The following TBC1D8 variants were observed in gnomAD, a reference collection of about 807,000 sequenced individuals.
TBC1D8 encodes BUB2-like protein 1.
In TBC1D8, 65 loss-of-function variants were observed where a neutral mutation model predicts 118.8. That is an observed-to-expected ratio of 0.55 (90% CI 0.45 to 0.67). The LOEUF (loss-of-function observed/expected upper bound fraction) is 0.67, where lower values mean the gene tolerates loss of function less well. TBC1D8 is among the 30% of genes least tolerant of loss of function. The probability of loss-of-function intolerance (pLI) is 0.00; values close to 1 mark genes in which losing one functional copy is unlikely to be tolerated. For synonymous variants in TBC1D8, 566 were observed against 595.8 expected (o/e 0.95, Z 0.73); for missense variants, 1,376 against 1,471.2 (o/e 0.94, Z 1.06).
intron 1 of TBC1D8, among the ~76,000 whole-genome samples, chr2:101,120,875 G>A (rs1034801046): frequency 6.6e-6 from 1 of 152,148 alleles, no homozygotes. Context: ...ACACTCCCAC[G>A]CCCAGAAGCA....
rs187468599 is a variant in TBC1D8 at position 101,071,884 on chromosome 2, G to A, written c.284-12345C>T. 9.6e-4 allele frequency among the ~76,000 whole-genome samples: 146 copies of A among 152,280 alleles called. 1 individual carries two copies. The highest frequency in any genetic ancestry group is 6.7e-3 in the Admixed American group (102 of 15,292). ...AAAATAAAATGGTGCTTTCCAGAAC[G>A]TTTTCAATTTACTTTGCCCAGATGA... On this transcript the variant is annotated intron_variant, in intron 2 of 19. Transcript: ENST00000409318.
Position 101,008,274 on chromosome 2 carries a change from C to G in TBC1D8, c.3016-1G>C. On this transcript the variant is annotated splice_acceptor_variant, in intron 19 of 19. Coordinates refer to ENST00000409318, the MANE Select transcript of TBC1D8 (RefSeq NM_001330348.2). LOFTEE classifies it high-confidence loss of function. ...TTTTACAGAACTGGATAAATTCTCT[C>G]TGAAATTGAAATAAGTCTTAGGTAG... is the stretch of plus-strand genomic sequence containing the variant. 1 of 1,517,784 alleles carries G rather than the reference C, an allele frequency of 6.6e-7. No homozygotes were observed. Among genetic ancestry groups the G allele is most frequent in the South Asian group, 1.3e-5 (1 of 74,628 alleles). 94.0% of individuals were successfully genotyped at this position (1,517,784 alleles called of 1,614,324 possible).
intron 15 of TBC1D8, among the ~76,000 whole-genome samples, chr2:101,026,517 A>T (rs1007601050): frequency 6.6e-6 from 1 of 152,184 alleles, no homozygotes; most frequent in Non-Finnish European, 1.5e-5. Context: ...GGCCTGCTCC[A>T]TGGCTTCCAA....
chr2:101,063,692 C>T (rs1466738430), intron 2 of TBC1D8, among the ~76,000 whole-genome samples: 1 of 152,120 alleles, frequency 6.6e-6, no homozygotes, highest in African/African-American at 2.4e-5. Flanking sequence ...TCACATATCA[C>T]AGTTCTCAAA....
intron 15 of TBC1D8, among the ~76,000 whole-genome samples, chr2:101,023,097 A>G (rs565415197): frequency 6.9e-6 from 1 of 144,422 alleles, no homozygotes; most frequent in Non-Finnish European, 1.5e-5. Flanking sequence ...GTGAGCCGAG[A>G]TCGCGCCACT....
At chr2:101,107,405 T>G (rs1416150880) in intron 1 of TBC1D8, among the ~76,000 whole-genome samples, 4 of 151,978 alleles carry the variant, frequency 2.6e-5, no homozygotes, top group African/African-American at 9.7e-5. Context: ...CCAATCTCTC[T>G]GTGGGCAGGC....
At position 101,014,928 on chromosome 2, in the gene TBC1D8, T is replaced by G. The variant is rs147100484; in HGVS notation, c.2828-3388A>C. 6.3e-3 allele frequency among the ~76,000 whole-genome samples: 956 copies of G among 152,346 alleles called. 8 individuals carry two copies. Among genetic ancestry groups the G allele is most frequent in the Non-Finnish European group, 9.2e-3 (623 of 68,034 alleles). On this transcript the variant is annotated intron_variant, in intron 17 of 19. Coordinates refer to ENST00000409318, the MANE Select transcript of TBC1D8 (RefSeq NM_001330348.2). The stretch of plus-strand genomic sequence containing the variant: ...TAAACACCTCCCATTCCATAATGCT[T>G]GTAAGGTTTTTCTCCACAGCAAATA...
chr2:101,103,444 T>A (rs1008391789), intron 1 of TBC1D8, among the ~76,000 whole-genome samples: 3 of 150,996 alleles, frequency 2.0e-5, no homozygotes, highest in Non-Finnish European at 4.4e-5. Context: ...TAGGCTGGAA[T>A]GCAGTGGCAC....
intron 2 of TBC1D8, among the ~76,000 whole-genome samples, chr2:101,081,030 C>T (rs918318776): frequency 1.3e-5 from 2 of 152,144 alleles, no homozygotes; most frequent in African/African-American, 4.8e-5. Flanking sequence ...CCCACCTCAG[C>T]CTCCCAAAGT....
intron 2 of TBC1D8, among the ~76,000 whole-genome samples, chr2:101,085,319 T>C (rs1675541231): frequency 6.6e-6 from 1 of 151,986 alleles, no homozygotes; most frequent in Non-Finnish European, 1.5e-5. Flanking sequence ...ACAAAGGGCA[T>C]GGATTCAGGA....
At chr2:101,143,376 T>A (rs941801562) in intron 1 of TBC1D8, among the ~76,000 whole-genome samples, 3 of 152,170 alleles carry the variant, frequency 2.0e-5, no homozygotes, top group Non-Finnish European at 2.9e-5. Flanking sequence ...TCCTTTTTTT[T>A]AAAGTAAAAA....
chr2:101,122,923 T>C (rs1048306769), intron 1 of TBC1D8, among the ~76,000 whole-genome samples: 1 of 147,146 alleles, frequency 6.8e-6, no homozygotes, highest in East Asian at 2.1e-4. Flanking sequence ...GTGGTACTTG[T>C]TGGAGAAAAA....
chr2:101,093,980 G>C (rs1574021003), intron 1 of TBC1D8, among the ~76,000 whole-genome samples: 2 of 152,094 alleles, frequency 1.3e-5, no homozygotes, highest in Admixed American at 6.5e-5. Flanking sequence ...ACAGGCGTGA[G>C]CCACCATGCC....
rs67349426 is a variant in TBC1D8 at position 101,033,122 on chromosome 2, AT to A, written c.1818+421del. On this transcript the variant is annotated intron_variant, in intron 10 of 19. Transcript: ENST00000409318. Reference sequence around the variant, plus strand: ...GTTTCTCTTTTCAGGCACTCGGTAAATTTTTTTTTTTTTGAGACAGAGTCTC... The same window carrying A: ...GTTTCTCTTTTCAGGCACTCGGTAAATTTTTTTTTTTTGAGACAGAGTCTC... 1.4e-3 allele frequency among the ~76,000 whole-genome samples: 203 copies of A among 148,284 alleles called. 1 individual carries two copies. Among genetic ancestry groups the A allele is most frequent in the African/African-American group, 4.2e-3 (170 of 40,298 alleles).
intron 1 of TBC1D8, among the ~76,000 whole-genome samples, chr2:101,115,014 C>T (rs1481310690): frequency 6.6e-6 from 1 of 152,224 alleles, no homozygotes; most frequent in Non-Finnish European, 1.5e-5. Context: ...TTCACAGAAC[C>T]TGTCGCTTTC....
At chr2:101,081,905 G>C (rs779067716) in intron 2 of TBC1D8, among the ~76,000 whole-genome samples, 1 of 152,204 alleles carries the variant, frequency 6.6e-6, no homozygotes, top group South Asian at 2.1e-4. Context: ...TTGGGAGGCT[G>C]GGGCAGGTGG....
intron 3 of TBC1D8, among the ~76,000 whole-genome samples, chr2:101,056,935 T>C (rs1329598331): frequency 6.6e-6 from 1 of 152,162 alleles, no homozygotes; most frequent in Non-Finnish European, 1.5e-5. Context: ...TCCTTAGGAT[T>C]TGGCCAGAGG....
At chr2:101,082,713 C>T (rs1316060711) in intron 2 of TBC1D8, among the ~76,000 whole-genome samples, 3 of 152,086 alleles carry the variant, frequency 2.0e-5, no homozygotes, top group African/African-American at 7.2e-5. Flanking sequence ...ACGAGGTGCC[C>T]GAGTAGGCAA....
chr2:101,073,874 T>C (rs2121370), intron 2 of TBC1D8, among the ~76,000 whole-genome samples: 97,748 of 152,154 alleles, frequency 0.64, 31,726 homozygotes, highest in Middle Eastern at 0.76. Context: ...AAAAGAGATG[T>C]TGTGGCTTGT....
Sources: gnomAD v4.1 joint callset for allele counts (sites outside exome capture counted in the v4.1 genomes callset) on GRCh38, gnomAD v4.1.1 for gene constraint, MANE v1.5 for transcripts, NCBI Gene and HGNC (gene_info 2026-07-23, HGNC 2026-07-21) for gene names.